The following LUZP2 variants were observed in gnomAD, a reference collection of about 807,000 sequenced individuals.
LUZP2 encodes the protein leucine zipper protein 2.
LUZP2 carries 52 observed loss-of-function variants against 51.6 expected under a neutral mutation model. The observed-to-expected ratio is 1.01, with a 90% CI of 0.81 to 1.27. The LOEUF (loss-of-function observed/expected upper bound fraction) is 1.27, where lower values mean the gene tolerates loss of function less well. Ranked by LOEUF, LUZP2 falls within the 50% of genes most tolerant of loss-of-function variation. The probability of loss-of-function intolerance (pLI) is 0.00; values close to 1 mark genes in which losing one functional copy is unlikely to be tolerated. For synonymous variants in LUZP2, 154 were observed against 137.3 expected, an observed-to-expected ratio of 1.12 and a Z score of -0.85; for missense variants, 436 against 395.4, an observed-to-expected ratio of 1.10 and a Z score of -0.87.
chr11:24,926,329 A>G (rs60508097), intron 7 of LUZP2, among the ~76,000 whole-genome samples: 405 of 23,126 alleles, frequency 0.018, 24 homozygotes, highest in Middle Eastern at 0.025. Flanking sequence ...ACGTGTGTGT[A>G]TATATATATA....
chr11:24,961,493 A>G (rs1426439235), intron 7 of LUZP2, among the ~76,000 whole-genome samples: 2 of 152,194 alleles, frequency 1.3e-5, no homozygotes, highest in African/African-American at 2.4e-5. Flanking sequence ...TCCCTTTACC[A>G]TTATGTAATG....
In LUZP2 at chr11:24,530,310, C is replaced by G. The variant is rs188232873; in HGVS notation, c.62+33005C>G. ...TATTTGACTTGACAATTTTTCTGCT[C>G]GACATCTGTAATAGTTGTTAAGTCT... On this transcript the variant is annotated intron_variant, in intron 1 of 11. Transcript: ENST00000336930. Among the ~76,000 whole-genome samples the G allele has an allele frequency of 5.3e-5, 8 of 150,854 alleles. No individual in the cohort carries two copies. The East Asian group carries it at 1.6e-3, about 29-fold the overall frequency.
chr11:24,755,078 G>T (rs942011383), intron 4 of LUZP2, among the ~76,000 whole-genome samples: 2 of 151,980 alleles, frequency 1.3e-5, no homozygotes, highest in Non-Finnish European at 2.9e-5. Context: ...CTGGGAGGTG[G>T]AGGTTGCAGT....
chr11:24,703,386 A>G (rs1275678754), intron 1 of LUZP2, among the ~76,000 whole-genome samples: 1 of 152,218 alleles, frequency 6.6e-6, no homozygotes, highest in Non-Finnish European at 1.5e-5. Context: ...ATACAGAATC[A>G]GAGAGAAAGT....
intron 9 of LUZP2, among the ~76,000 whole-genome samples, chr11:25,035,533 A>G (rs772772601): frequency 6.6e-6 from 1 of 152,108 alleles, no homozygotes; most frequent in Non-Finnish European, 1.5e-5. Flanking sequence ...AAAAAAAACC[A>G]GGTATGACAC....
rs1338617879 is a variant in LUZP2 at position 24,611,406 on chromosome 11, G to A, written c.62+114101G>A. On this transcript the variant is annotated intron_variant, in intron 1 of 11. Transcript: ENST00000336930. This position sits in a 1 kb window ranked among gnomAD's most constrained non-coding sequence, Gnocchi z 4.6. ...ACCCCATTATATATACATACATACA[G>A]CTATATAAGATATATTTTGCACACT... Among the ~76,000 whole-genome samples the A allele has an allele frequency of 1.3e-5, 2 of 151,976 alleles. No homozygotes were observed. Among genetic ancestry groups the A allele is most frequent in the East Asian group, 3.9e-4 (2 of 5,188 alleles).
intron 5 of LUZP2, among the ~76,000 whole-genome samples, chr11:24,814,022 G>A (rs1850098090): frequency 6.6e-6 from 1 of 152,210 alleles, no homozygotes; most frequent in Non-Finnish European, 1.5e-5. Flanking sequence ...TTGGCACAGT[G>A]CCTTGTACAC....
intron 5 of LUZP2, among the ~76,000 whole-genome samples, chr11:24,835,763 A>G (rs1452872406): frequency 6.6e-6 from 1 of 152,108 alleles, no homozygotes; most frequent in African/African-American, 2.4e-5. Flanking sequence ...ATTTGGTATT[A>G]GCAATCTCAG....
intron 1 of LUZP2, among the ~76,000 whole-genome samples, chr11:24,587,603 AGG>A (rs1853115356): frequency 6.6e-6 from 1 of 152,200 alleles, no homozygotes; most frequent in Non-Finnish European, 1.5e-5. Context: ...TACAATATGA[AGG>A]TTACTGGAAA....
At chr11:24,690,704 A>G (rs529420072) in intron 1 of LUZP2, among the ~76,000 whole-genome samples, 64 of 152,060 alleles carry the variant, frequency 4.2e-4, no homozygotes, top group South Asian at 1.7e-3. Context: ...CAATTATGTT[A>G]CTCTCTACCA....
intron 7 of LUZP2, among the ~76,000 whole-genome samples, chr11:24,974,256 C>T (rs1310238649): frequency 6.6e-6 from 1 of 151,794 alleles, no homozygotes; most frequent in Non-Finnish European, 1.5e-5. Context: ...GGATTGCAAC[C>T]TCTGCTTTTT....
chr11:24,836,606 A>G (rs754448556), intron 5 of LUZP2, among the ~76,000 whole-genome samples: 2 of 151,894 alleles, frequency 1.3e-5, no homozygotes, highest in Non-Finnish European at 2.9e-5. Flanking sequence ...TCAAAGCTGC[A>G]TAACTTGAAC....
chr11:24,569,608 A>G (rs943350351), intron 1 of LUZP2, among the ~76,000 whole-genome samples: 4 of 152,092 alleles, frequency 2.6e-5, no homozygotes, highest in Admixed American at 6.6e-5. Context: ...AGCATATTAT[A>G]TAAAATGTAG....
intron 5 of LUZP2, among the ~76,000 whole-genome samples, chr11:24,772,868 G>C (rs2134055356): frequency 1.3e-5 from 2 of 151,994 alleles, no homozygotes; most frequent in South Asian, 4.2e-4. Context: ...CTATGTCTTT[G>C]TGTGTCTTCT....
At chr11:24,992,809 G>A (rs1390708814) in intron 9 of LUZP2, among the ~76,000 whole-genome samples, 1 of 151,912 alleles carries the variant, frequency 6.6e-6, no homozygotes, top group Non-Finnish European at 1.5e-5. Flanking sequence ...TGAATTTATT[G>A]TATATCTGTG....
intron 1 of LUZP2, among the ~76,000 whole-genome samples, chr11:24,657,653 G>A (rs1855853626): frequency 6.6e-6 from 1 of 152,146 alleles, no homozygotes; most frequent in Non-Finnish European, 1.5e-5. Context: ...GTTTGGAGAT[G>A]ACATGAATTG....
At chr11:24,568,521 G>T (rs1852323609) in intron 1 of LUZP2, among the ~76,000 whole-genome samples, 1 of 151,836 alleles carries the variant, frequency 6.6e-6, no homozygotes, top group Admixed American at 6.6e-5. Flanking sequence ...TAAAAACAGA[G>T]CCCTAAAATT....
At chr11:24,843,820 T>A (rs2134205706) in intron 5 of LUZP2, among the ~76,000 whole-genome samples, 1 of 152,166 alleles carries the variant, frequency 6.6e-6, no homozygotes, top group Admixed American at 6.5e-5. Flanking sequence ...TTGATGGTTT[T>A]AAAAAAAGAG....
intron 8 of LUZP2, among the ~76,000 whole-genome samples, chr11:24,980,417 T>C (rs954372055): frequency 7.9e-5 from 12 of 151,656 alleles, no homozygotes; most frequent in African/African-American, 2.9e-4. Context: ...GTAGTATTTT[T>C]TAATATATGA....
Sources: gnomAD v4.1 joint callset for allele counts (sites outside exome capture counted in the v4.1 genomes callset) on GRCh38, gnomAD v4.1.1 for gene constraint, Gnocchi (gnomAD v3.1) non-coding constraint, MANE v1.5 for transcripts, NCBI Gene and HGNC (gene_info 2026-07-23, HGNC 2026-07-21) for gene names.